Variants in CKLF observed in about 807,000 individuals in gnomAD.
CKLF encodes the protein chemokine-like factor.
CKLF carries 16 observed loss-of-function variants against 12.9 expected under a neutral mutation model. The observed-to-expected ratio is 1.24, with a 90% CI of 0.84 to 1.88. CKLF has a LOEUF of 1.88. Ranked by LOEUF, CKLF falls within the 40% of genes most tolerant of loss-of-function variation. CKLF has a pLI of 0.00. For missense variants in CKLF, 172 were observed against 188.5 expected, an observed-to-expected ratio of 0.91 and a Z score of 0.51; for synonymous variants, 61 against 69.0, an observed-to-expected ratio of 0.88 and a Z score of 0.57.
chr16:66,566,110 G>A (rs534118093), downstream of CKLF: 20 of 1,611,214 alleles, frequency 1.2e-5, no homozygotes, highest in East Asian at 3.6e-4. The surrounding 1 kb of genome is among the most constrained non-coding windows in gnomAD (Gnocchi z 4.9). Context: ...AGGAGCTAGA[G>A]GAAGAGATTT....
intron 1 of CKLF, among the ~76,000 whole-genome samples, chr16:66,555,196 CA>C (rs1282934703): frequency 2.0e-5 from 3 of 152,174 alleles, no homozygotes; most frequent in Admixed American, 6.5e-5. Context: ...AAAATCACCC[CA>C]CTGCACTCCA....
intron 1 of CKLF, among the ~76,000 whole-genome samples, chr16:66,556,145 A>G (rs540586411): frequency 6.6e-6 from 1 of 152,110 alleles, no homozygotes; most frequent in Non-Finnish European, 1.5e-5. Context: ...ATAAAAGGAG[A>G]AGAACCCACC....
chr16:66,554,484 C>T (rs2011333714), intron 1 of CKLF, among the ~76,000 whole-genome samples: 1 of 152,168 alleles, frequency 6.6e-6, no homozygotes, highest in African/African-American at 2.4e-5. Flanking sequence ...TGTCATGTGC[C>T]AGGCACTATT....
At chr16:66,559,764 G>C (rs538010324) in intron 2 of CKLF, among the ~76,000 whole-genome samples, 150 of 152,066 alleles carry the variant, frequency 9.9e-4, no homozygotes, top group Non-Finnish European at 1.9e-3. Context: ...AAATCTCTAA[G>C]GATCAAACTT....
chr16:66,553,894 G>T (rs1468310657), intron 1 of CKLF, among the ~76,000 whole-genome samples: 1 of 152,208 alleles, frequency 6.6e-6, no homozygotes, highest in African/African-American at 2.4e-5. Flanking sequence ...GTCTGTGATT[G>T]TGAGAAGTAG....
rs2011869483 is a variant in CKLF at position 66,563,182 on chromosome 16, A to G, written c.298A>G (p.Ile100Val). The change falls in exon 3 of 4, where the codon ATA becomes GTA. Residue 100 changes from isoleucine to valine, a missense_variant. Physicochemically the swap from Ile to Val is conservative, Grantham distance 29 (BLOSUM62 3). Coordinates refer to ENST00000264001, the MANE Select transcript of CKLF (RefSeq NM_016951.4). ...GCTCATCGTATCTGTGTTGGCACTG[A>G]TACCAGAAACCACAACATTGACAGT... ...FMLIVSVLAL[I>V]PETTTLTVGG... The G allele has an allele frequency of 1.2e-6, 2 of 1,614,022 alleles. No homozygotes were observed.
intron 2 of CKLF, 85 bp from the exon 3 acceptor site, chr16:66,563,037 T>G: frequency 6.6e-7 from 1 of 1,504,156 alleles, no homozygotes; most frequent in Non-Finnish European, 9.2e-7. Flanking sequence ...TTTTTTGTTG[T>G]TGTTGTTTTT....
downstream of CKLF, chr16:66,566,137 G>A: frequency 1.2e-6 from 2 of 1,604,058 alleles, no homozygotes; most frequent in Admixed American, 1.7e-5. This position sits in a 1 kb window ranked among gnomAD's most constrained non-coding sequence, Gnocchi z 4.9. Flanking sequence ...TCTGCACCCC[G>A]CGCAGAGCAC....
At chr16:66,557,438 G>A (rs894532469) in intron 1 of CKLF, among the ~76,000 whole-genome samples, 5 of 152,174 alleles carry the variant, frequency 3.3e-5, no homozygotes, top group African/African-American at 9.7e-5. Context: ...AAAGTGCTGG[G>A]ATTACAGGCA....
intron 2 of CKLF, among the ~76,000 whole-genome samples, chr16:66,561,963 A>C (rs1315857005): frequency 6.6e-6 from 1 of 152,234 alleles, no homozygotes; most frequent in African/African-American, 2.4e-5. Flanking sequence ...AAAAGTATTA[A>C]GCGAATGAGC....
At position 66,563,102 on chromosome 16, in the gene CKLF, G is replaced by C. The variant is rs373767622; in HGVS notation, c.238-20G>C. ...CTTGGTAGTCTTCATGTAAGGCTCA[G>C]CTTTATTGTGTGTTTTTAGGATATT... On this transcript the variant is annotated intron_variant, in intron 2 of 3. Coordinates refer to ENST00000264001, the MANE Select transcript of CKLF (RefSeq NM_016951.4). The C allele has an allele frequency of 2.3e-4, 370 of 1,613,388 alleles. 1 individual carries two copies. The highest frequency in any genetic ancestry group is 2.7e-4 in the Non-Finnish European group (318 of 1,179,756).
At chr16:66,559,794 A>C (rs1304131981) in intron 2 of CKLF, among the ~76,000 whole-genome samples, 1 of 152,222 alleles carries the variant, frequency 6.6e-6, no homozygotes, top group Non-Finnish European at 1.5e-5. Flanking sequence ...TGTATCTCTT[A>C]GAAATGGGGT....
chr16:66,560,554 T>G (rs992846730), intron 2 of CKLF, among the ~76,000 whole-genome samples: 2 of 152,070 alleles, frequency 1.3e-5, no homozygotes, highest in Non-Finnish European at 2.9e-5. Flanking sequence ...GGTGTGAAAC[T>G]TAAGAGGAGC....
At chr16:66,554,827 C>G (rs1053623933) in intron 1 of CKLF, among the ~76,000 whole-genome samples, 18 of 152,104 alleles carry the variant, frequency 1.2e-4, no homozygotes, top group South Asian at 2.1e-4. Flanking sequence ...GGCCTTATGG[C>G]AGGAATGTGT....
At position 66,563,150 on chromosome 16, in the gene CKLF, T is replaced by C; in HGVS notation, c.266T>C (p.Val89Ala). 1 of 1,614,182 alleles carries C rather than the reference T, an allele frequency of 6.2e-7. No individual in the cohort carries two copies. The highest frequency in any genetic ancestry group is 8.5e-7 in the Non-Finnish European group (1 of 1,180,040). The change falls in exon 3 of 4, where the codon GTA becomes GCA. Residue 89 changes from valine to alanine, a missense_variant. Val to Ala is a moderately conservative substitution (Grantham distance 64). Transcript: ENST00000264001. ...LDIINSLVTT[V>A]FMLIVSVLAL... ...ATTATCAACTCACTGGTAACAACAG[T>C]ATTCATGCTCATCGTATCTGTGTTG...
intron 1 of CKLF, chr16:66,553,422 A>G (rs536504916): frequency 9.8e-5 from 15 of 152,294 alleles, no homozygotes; most frequent in Middle Eastern, 3.4e-3. Context: ...CAAGGAGAGA[A>G]CTGCTCGTTT....
At position 66,552,652 on chromosome 16, in the gene CKLF, A is replaced by T. The variant is rs978926600; in HGVS notation, c.-64A>T. 6.2e-7 allele frequency: 1 copy of T among 1,611,612 alleles called. No individual in the cohort carries two copies. The highest frequency in any genetic ancestry group is 8.5e-7 in the Non-Finnish European group (1 of 1,178,270). On this transcript the variant is annotated 5_prime_UTR_variant, in exon 1 of 4. Coordinates refer to ENST00000264001, the MANE Select transcript of CKLF (RefSeq NM_016951.4). ...GTGGCGGTTGCTATCGCTTCGCAGA[A>T]CCTACTCAGGCAGCCAGCTGAGAAG...
chr16:66,552,837 G>T (rs371126244), intron 1 of CKLF, 44 bp downstream of exon 1: 11 of 1,613,466 alleles, frequency 6.8e-6, no homozygotes, highest in African/African-American at 4.0e-5. Flanking sequence ...GAAGCTGCTG[G>T]GGGGCGGGAG....
At chr16:66,557,368 A>G (rs2011489250) in intron 1 of CKLF, among the ~76,000 whole-genome samples, 1 of 152,142 alleles carries the variant, frequency 6.6e-6, no homozygotes, top group Non-Finnish European at 1.5e-5. Context: ...AGGTTTCACC[A>G]TGTTGGCCAG....
Sources: gnomAD v4.1 joint callset for allele counts (sites outside exome capture counted in the v4.1 genomes callset) on GRCh38, gnomAD v4.1.1 for gene constraint, Gnocchi (gnomAD v3.1) non-coding constraint, MANE v1.5 for transcripts, NCBI Gene and HGNC (gene_info 2026-07-23, HGNC 2026-07-21) for gene names.